Variants in PCSK5 observed in about 807,000 individuals in gnomAD.
The protein encoded by PCSK5 is proprotein convertase subtilisin/kexin type 5, also known as prohormone convertase 5.
PCSK5 carries 129 observed loss-of-function variants against 233.2 expected under a neutral mutation model. The observed-to-expected ratio is 0.55, with a 90% CI of 0.48 to 0.64. The LOEUF is 0.64. Among genes scored for constraint, PCSK5 ranks in the 30% least tolerant of loss-of-function variants. PCSK5 has a pLI of 0.00. For synonymous variants in PCSK5, 825 were observed against 879.2 expected (o/e 0.94, Z 1.09); for missense variants, 2,076 against 2,430.1 (o/e 0.85, Z 3.06).
At position 75,920,621 on chromosome 9, in the gene PCSK5, A is replaced by C. The variant is rs555984002; in HGVS notation, c.193-11758A>C. Among the ~76,000 whole-genome samples the C allele has an allele frequency of 3.3e-3, 509 of 152,182 alleles. 4 individuals carry two copies. The highest frequency in any genetic ancestry group is 4.0e-3 in the Non-Finnish European group (271 of 68,010). On this transcript the variant is annotated intron_variant, in intron 1 of 37. Coordinates refer to ENST00000674117, the MANE Select transcript of PCSK5 (RefSeq NM_001372043.1). ...GGAGTTCGAGACCAGCCTGGGCAAC[A>C]TGACAAAACCCTGTCTCTACTAAAA...
chr9:76,036,623 A>G (rs188821565), intron 5 of PCSK5, among the ~76,000 whole-genome samples: 80 of 152,338 alleles, frequency 5.3e-4, no homozygotes, highest in Non-Finnish European at 7.9e-4. Flanking sequence ...TTTGAGTGCA[A>G]TGTAAACAAC....
chr9:76,178,037 T>C (rs920236958), intron 14 of PCSK5, among the ~76,000 whole-genome samples: 1 of 152,070 alleles, frequency 6.6e-6, no homozygotes. Context: ...ATTTTCACCT[T>C]CATTTAGAAG....
chr9:76,314,970 T>A (rs1828981654), intron 30 of PCSK5, among the ~76,000 whole-genome samples: 1 of 149,860 alleles, frequency 6.7e-6, no homozygotes, highest in Non-Finnish European at 1.5e-5. Flanking sequence ...ACGTATTTTT[T>A]TTTTTCTGAG....
At chr9:75,959,211 C>A (rs902010998) in intron 2 of PCSK5, among the ~76,000 whole-genome samples, 23 of 152,102 alleles carry the variant, frequency 1.5e-4, no homozygotes, top group Admixed American at 5.9e-4. Context: ...AAGAAGTTTG[C>A]CAGTGGACAA....
chr9:76,102,653 G>A (rs1438547491), intron 8 of PCSK5, among the ~76,000 whole-genome samples: 4 of 152,102 alleles, frequency 2.6e-5, no homozygotes, highest in Admixed American at 2.0e-4. Flanking sequence ...TTGGGTAAGG[G>A]ATACGCAACC....
chr9:76,138,398 G>T (rs879026838), intron 10 of PCSK5, among the ~76,000 whole-genome samples: 1 of 151,988 alleles, frequency 6.6e-6, no homozygotes, highest in African/African-American at 2.4e-5. Flanking sequence ...CTCCATTTGG[G>T]CATATAGTAC....
chr9:75,975,269 A>G (rs1295034087), intron 2 of PCSK5, among the ~76,000 whole-genome samples: 1 of 152,210 alleles, frequency 6.6e-6, no homozygotes, highest in Non-Finnish European at 1.5e-5. Context: ...TTATATTTAA[A>G]TAGCTAGGAG....
chr9:76,165,075 G>C (rs1031994293), intron 12 of PCSK5, among the ~76,000 whole-genome samples: 3 of 152,068 alleles, frequency 2.0e-5, no homozygotes, highest in Admixed American at 2.0e-4. Flanking sequence ...TAAATACCCT[G>C]TATCAGAAGA....
chr9:75,894,970 C>T (rs1825750517), intron 1 of PCSK5, among the ~76,000 whole-genome samples: 1 of 152,188 alleles, frequency 6.6e-6, no homozygotes, highest in South Asian at 2.1e-4. Context: ...CCCTTGTGAA[C>T]AAACAGATTG....
intron 24 of PCSK5, among the ~76,000 whole-genome samples, chr9:76,247,830 G>A (rs1320128969): frequency 6.6e-6 from 1 of 151,874 alleles, no homozygotes. Context: ...TGTTGCCCAG[G>A]CTGGAGTGCA....
rs188772231 is a variant in PCSK5 at position 76,141,474 on chromosome 9, A to C, written c.1312+7262A>C. Among the ~76,000 whole-genome samples, 367 of 152,240 alleles carry C rather than the reference A, an allele frequency of 2.4e-3. 1 individual carries two copies. The highest frequency in any genetic ancestry group is 7.2e-3 in the African/African-American group (298 of 41,554). ...TCTTCATACATTCTTAATCAGCTTT[A>C]TTGAGGTAAATTTACATACAATAAA... On this transcript the variant is annotated intron_variant, in intron 10 of 37. Transcript: ENST00000674117.
chr9:76,017,373 C>A (rs1827991968), intron 3 of PCSK5, among the ~76,000 whole-genome samples: 1 of 152,152 alleles, frequency 6.6e-6, no homozygotes, highest in Non-Finnish European at 1.5e-5. Context: ...CTAAAATTTT[C>A]TTCCCTAAAT....
intron 2 of PCSK5, among the ~76,000 whole-genome samples, chr9:75,966,179 G>A (rs1825577571): frequency 6.6e-6 from 1 of 151,968 alleles, no homozygotes; most frequent in Non-Finnish European, 1.5e-5. Flanking sequence ...AACCTATACT[G>A]AGGCAGGGCT....
chr9:76,335,619 TA>T (rs1459359553), intron 34 of PCSK5, among the ~76,000 whole-genome samples: 2 of 152,224 alleles, frequency 1.3e-5, no homozygotes, highest in Non-Finnish European at 2.9e-5. Flanking sequence ...TGTACTCTTT[TA>T]ATCTGTTCCA....
intron 2 of PCSK5, among the ~76,000 whole-genome samples, chr9:75,981,711 C>G (rs1025337945): frequency 1.3e-5 from 2 of 152,052 alleles, no homozygotes; most frequent in African/African-American, 4.8e-5. Flanking sequence ...TGTCCCCACA[C>G]CTGGCTACTT....
chr9:76,256,349 C>T (rs1826981044), intron 24 of PCSK5, among the ~76,000 whole-genome samples: 1 of 152,230 alleles, frequency 6.6e-6, no homozygotes, highest in Non-Finnish European at 1.5e-5. Flanking sequence ...CCAAGTCTGT[C>T]TGGATCACGT....
chr9:76,133,322 C>T (rs900282554), intron 9 of PCSK5, among the ~76,000 whole-genome samples: 7 of 151,996 alleles, frequency 4.6e-5, no homozygotes, highest in Non-Finnish European at 1.0e-4. Context: ...TATACATAGT[C>T]TATGAAAGGG....
At chr9:76,132,391 C>T (rs564973282) in intron 9 of PCSK5, among the ~76,000 whole-genome samples, 4 of 152,030 alleles carry the variant, frequency 2.6e-5, no homozygotes, top group South Asian at 2.1e-4. Flanking sequence ...CTGTTTTCAT[C>T]GTTCTCATAT....
At position 76,121,832 on chromosome 9, in the gene PCSK5, T is replaced by C. The variant is rs1160277031; in HGVS notation, c.1209-12277T>C. 1.1e-3 allele frequency among the ~76,000 whole-genome samples: 34 copies of C among 31,618 alleles called. 1 individual carries two copies. Among genetic ancestry groups the C allele is most frequent in the Non-Finnish European group, 1.5e-3 (21 of 13,804 alleles). The allele number at this position is 31,618 out of a possible 152,430, so 20.7% of individuals were successfully genotyped here. A position where few individuals can be genotyped will look rare whatever the true frequency, so the allele number is the denominator to read the frequency against. On this transcript the variant is annotated intron_variant, in intron 9 of 37. Coordinates refer to ENST00000674117, the MANE Select transcript of PCSK5 (RefSeq NM_001372043.1). ...TGTATTGGTTTTTTTTTTTTTTTTT[T>C]TTTTTTTTTGAGACGGAGTCTCGCT...
Sources: allele counts gnomAD v4.1 joint callset (sites outside exome capture counted in the v4.1 genomes callset), GRCh38; gene constraint gnomAD v4.1.1; transcripts MANE v1.5; gene names NCBI Gene and HGNC (gene_info 2026-07-23, HGNC 2026-07-21).